The following OPCML variants were observed in gnomAD, a reference collection of about 807,000 sequenced individuals.
OPCML encodes opioid binding protein/cell adhesion molecule like, also known as opioid-binding protein/cell adhesion molecule.
A neutral mutation model predicts 37.8 loss-of-function variants in OPCML; 13 were observed. The ratio of observed to expected loss-of-function variants is 0.34; its 90% confidence interval spans 0.22 to 0.55. OPCML has a LOEUF of 0.55. Among genes scored for constraint, OPCML ranks in the 20% least tolerant of loss-of-function variants. OPCML has a pLI of 0.91. For missense variants in OPCML, 341 were observed against 435.6 expected (o/e 0.78, Z 1.93); for synonymous variants, 176 against 168.8 (o/e 1.04, Z -0.33).
intron 3 of OPCML, among the ~76,000 whole-genome samples, chr11:132,593,965 G>C (rs115804873): frequency 6.6e-6 from 1 of 152,098 alleles, no homozygotes; most frequent in Non-Finnish European, 1.5e-5. Flanking sequence ...CAATTTTCTC[G>C]TAACAGTAAT....
chr11:133,189,824 A>C (rs569279634), intron 1 of OPCML, among the ~76,000 whole-genome samples: 1 of 152,320 alleles, frequency 6.6e-6, no homozygotes, highest in East Asian at 1.9e-4. Context: ...GAAACAAAAC[A>C]AACAAACAAA....
At chr11:132,592,175 T>A (rs192499605) in intron 3 of OPCML, among the ~76,000 whole-genome samples, 146 of 152,308 alleles carry the variant, frequency 9.6e-4, no homozygotes, top group Middle Eastern at 3.4e-3. Flanking sequence ...TTTGTCTAAG[T>A]GAGGAATATT....
chr11:133,188,445 C>G (rs746958720), intron 1 of OPCML, among the ~76,000 whole-genome samples: 2 of 152,022 alleles, frequency 1.3e-5, no homozygotes, highest in Admixed American at 6.5e-5. Context: ...CCATCGCGAT[C>G]CACATTGTTA....
intron 1 of OPCML, chr11:133,362,225 G>T (rs1039095925): frequency 1.1e-4 from 17 of 152,474 alleles, no homozygotes; most frequent in African/African-American, 3.9e-4. Context: ...GAAGGGGTGC[G>T]TGGTGTCAAG....
intron 3 of OPCML, among the ~76,000 whole-genome samples, chr11:132,610,568 T>G (rs892507637): frequency 1.3e-5 from 2 of 152,118 alleles, no homozygotes; most frequent in African/African-American, 4.8e-5. Context: ...GAGAGCAACT[T>G]TTGCAATCGT....
chr11:132,678,536 A>C (rs571741177), intron 2 of OPCML, among the ~76,000 whole-genome samples: 1 of 152,368 alleles, frequency 6.6e-6, no homozygotes, highest in African/African-American at 2.4e-5. Context: ...CGTTACATCC[A>C]GACAACAGAA....
rs548272700 is a variant in OPCML at position 132,828,551 on chromosome 11, A to T, written c.146+114375T>A. ...TTAATCTTGCTAAAACAGCTCTTTT[A>T]AAAAAAAAAGTCTATTTATTTTAAA... On this transcript the variant is annotated intron_variant, in intron 2 of 7. Coordinates refer to ENST00000524381, the MANE Select transcript of OPCML (RefSeq NM_001012393.5). 2.2e-3 allele frequency among the ~76,000 whole-genome samples: 236 copies of T among 108,060 alleles called. 1 individual carries two copies. Among genetic ancestry groups the T allele is most frequent in the Non-Finnish European group, 3.9e-3 (191 of 49,296 alleles). 70.9% of individuals were successfully genotyped at this position (108,060 alleles called of 152,430 possible).
At chr11:132,752,016 T>C (rs966561142) in intron 2 of OPCML, among the ~76,000 whole-genome samples, 2 of 152,142 alleles carry the variant, frequency 1.3e-5, no homozygotes, top group African/African-American at 4.8e-5. Flanking sequence ...ACACACAGTA[T>C]TTAAAAGGCA....
At chr11:133,163,544 C>T (rs1274774252) in intron 1 of OPCML, among the ~76,000 whole-genome samples, 4 of 152,126 alleles carry the variant, frequency 2.6e-5, no homozygotes, top group African/African-American at 9.7e-5. Context: ...AGTTACAGAC[C>T]ACTGCAATAC....
chr11:133,021,333 C>T (rs952123350), intron 1 of OPCML, among the ~76,000 whole-genome samples: 2 of 152,154 alleles, frequency 1.3e-5, no homozygotes, highest in Admixed American at 6.5e-5. Context: ...TTTTCATGAA[C>T]AGCCCACCTC....
intron 2 of OPCML, among the ~76,000 whole-genome samples, chr11:132,662,279 C>T (rs776989412): frequency 1.3e-5 from 2 of 152,162 alleles, no homozygotes; most frequent in Non-Finnish European, 2.9e-5. Context: ...TGGAGAACCA[C>T]TCACTGCCTT....
chr11:132,621,023 C>G (rs890456931), intron 3 of OPCML, among the ~76,000 whole-genome samples: 2 of 152,218 alleles, frequency 1.3e-5, no homozygotes, highest in Non-Finnish European at 2.9e-5. Flanking sequence ...AGGAAGCCAA[C>G]AGAATCTGAG....
intron 2 of OPCML, among the ~76,000 whole-genome samples, chr11:132,745,936 G>A (rs1232172079): frequency 6.6e-6 from 1 of 152,120 alleles, no homozygotes; most frequent in Non-Finnish European, 1.5e-5. Context: ...CAGGAACACT[G>A]GTGCCAACTG....
intron 7 of OPCML, 83 bp from the exon 8 acceptor site, chr11:132,420,376 A>G (rs542825453): frequency 1.4e-5 from 21 of 1,550,838 alleles, no homozygotes; most frequent in Non-Finnish European, 1.7e-5. Flanking sequence ...ATACACATAC[A>G]TGCTTCCCAC....
chr11:133,224,150 G>A (rs1442440411), intron 1 of OPCML, among the ~76,000 whole-genome samples: 2 of 152,208 alleles, frequency 1.3e-5, no homozygotes, highest in African/African-American at 4.8e-5. Flanking sequence ...TTTGGGTTGG[G>A]ATCAGGAAGG....
At chr11:132,474,699 T>C (rs1286291728) in intron 4 of OPCML, among the ~76,000 whole-genome samples, 1 of 152,142 alleles carries the variant, frequency 6.6e-6, no homozygotes, top group African/African-American at 2.4e-5. Context: ...ATATAGCTGG[T>C]CTTCTGTCTC....
At chr11:132,641,225 A>T (rs1439149040) in intron 3 of OPCML, among the ~76,000 whole-genome samples, 2 of 152,186 alleles carry the variant, frequency 1.3e-5, no homozygotes, top group East Asian at 3.9e-4. Context: ...ACATGCCACC[A>T]CATCCTGAAC....
intron 4 of OPCML, among the ~76,000 whole-genome samples, chr11:132,519,498 T>C (rs1018517449): frequency 6.6e-6 from 1 of 152,044 alleles, no homozygotes; most frequent in Non-Finnish European, 1.5e-5. Context: ...AAAAGGAGCA[T>C]AAATGGGATT....
Position 132,508,899 on chromosome 11 carries a change from C to T in OPCML, c.505+20162G>A, listed in dbSNP as rs563721871. ...GAAGTGGGATGCTGCTGAAAAGATA[C>T]ATGAAAATGTGGAAGTGACTTTGTA... is the stretch of plus-strand genomic sequence containing the variant. On this transcript the variant is annotated intron_variant, in intron 4 of 7. Coordinates refer to ENST00000524381, the MANE Select transcript of OPCML (RefSeq NM_001012393.5). Among the ~76,000 whole-genome samples the T allele has an allele frequency of 2.6e-5, 4 of 152,198 alleles. No individual in the cohort carries two copies. In the South Asian group the frequency reaches 8.3e-4, roughly 32 times the overall value.
Sources: gnomAD v4.1 joint callset for allele counts (sites outside exome capture counted in the v4.1 genomes callset) on GRCh38, gnomAD v4.1.1 for gene constraint, MANE v1.5 for transcripts, NCBI Gene and HGNC (gene_info 2026-07-23, HGNC 2026-07-21) for gene names.